The following DPP6 variants were observed in gnomAD, a reference collection of about 807,000 sequenced individuals.
The protein encoded by DPP6 is A-type potassium channel modulatory protein DPP6.
DPP6 carries 69 observed loss-of-function variants against 122.6 expected under a neutral mutation model. The observed-to-expected ratio is 0.56, with a 90% CI of 0.46 to 0.69. DPP6 has a LOEUF of 0.69. Among genes scored for constraint, DPP6 ranks in the 30% least tolerant of loss-of-function variants. The pLI, the probability that DPP6 is intolerant of heterozygous loss-of-function variation, is 0.00. For synonymous variants in DPP6, 418 were observed against 433.1 expected, an observed-to-expected ratio of 0.97 and a Z score of 0.43; for missense variants, 928 against 1,116.9, an observed-to-expected ratio of 0.83 and a Z score of 2.41.
intron 5 of DPP6, among the ~76,000 whole-genome samples, chr7:154,597,238 T>TG (rs1458734713): frequency 6.6e-6 from 1 of 150,560 alleles, no homozygotes; most frequent in Admixed American, 6.6e-5. Context: ...AGAGAGACAG[T>TG]GGGGGCCAGT....
chr7:154,032,952 TGTGGCTGCCTTTGAAG>T (rs1360961148), intron 1 of DPP6, among the ~76,000 whole-genome samples: 30 of 148,164 alleles, frequency 2.0e-4, no homozygotes, highest in Middle Eastern at 3.4e-3. Context: ...TTTATATACC[TGTGGCTGCCTTTGAAG>T]GTGGCTTTAT....
At chr7:154,463,539 T>C (rs1196774478) in intron 2 of DPP6, among the ~76,000 whole-genome samples, 3 of 152,080 alleles carry the variant, frequency 2.0e-5, no homozygotes, top group Admixed American at 2.0e-4. Context: ...AAGAAGTCTC[T>C]CCCTGTAGCC....
intron 1 of DPP6, among the ~76,000 whole-genome samples, chr7:154,068,162 G>A (rs1802875491): frequency 1.3e-5 from 2 of 152,114 alleles, no homozygotes; most frequent in South Asian, 4.1e-4. Flanking sequence ...CATGTCCTTA[G>A]GGGTGTCAAC....
At chr7:154,536,276 C>T (rs1828246409) in intron 3 of DPP6, among the ~76,000 whole-genome samples, 1 of 152,054 alleles carries the variant, frequency 6.6e-6, no homozygotes, top group African/African-American at 2.4e-5. Context: ...GCACTTGTTA[C>T]CTGGGTCTAT....
chr7:154,265,885 G>T (rs1803388454), intron 1 of DPP6, among the ~76,000 whole-genome samples: 1 of 152,088 alleles, frequency 6.6e-6, no homozygotes, highest in African/African-American at 2.4e-5. Flanking sequence ...ACTAGCAAAA[G>T]ATCAGACAAA....
At chr7:153,839,898 T>C in the DPP6 span, among the ~76,000 whole-genome samples, 2 of 152,206 alleles carry the variant, frequency 1.3e-5, no homozygotes, top group Non-Finnish European at 2.9e-5. Flanking sequence ...GAGGTCCACA[T>C]TTGGAGAACT....
At chr7:154,220,731 G>A (rs533070712) in intron 1 of DPP6, among the ~76,000 whole-genome samples, 1 of 152,160 alleles carries the variant, frequency 6.6e-6, no homozygotes, top group African/African-American at 2.4e-5. Context: ...AAAGTACCCA[G>A]TTTCAGGTAT....
At chr7:154,196,206 TG>T (rs1563303744) in intron 1 of DPP6, among the ~76,000 whole-genome samples, 1 of 152,114 alleles carries the variant, frequency 6.6e-6, no homozygotes, top group Non-Finnish European at 1.5e-5. Flanking sequence ...AACTTACAAA[TG>T]GGCCGGGCAC....
chr7:153,913,978 C>T (rs1211956174), intron 1 of DPP6, among the ~76,000 whole-genome samples: 1 of 152,166 alleles, frequency 6.6e-6, no homozygotes, highest in East Asian at 1.9e-4. Context: ...AGAATACTTG[C>T]ACTTACTATT....
chr7:154,830,029 T>C (rs999439027), intron 16 of DPP6, among the ~76,000 whole-genome samples: 3 of 152,222 alleles, frequency 2.0e-5, no homozygotes, highest in Non-Finnish European at 4.4e-5. Context: ...TCCCAGACTT[T>C]CAGGCCGTCA....
At position 154,077,869 on chromosome 7, in the gene DPP6, C is replaced by T. The variant is rs572133914; in HGVS notation, c.243+24806C>T. Reference sequence around the variant, plus strand: ...TATTTTTAGTAGAGATGGGGTTTCACCTTGTTGGCCAGGATGGTCTCGATC... The same window carrying T: ...TATTTTTAGTAGAGATGGGGTTTCATCTTGTTGGCCAGGATGGTCTCGATC... On this transcript the variant is annotated intron_variant, in intron 1 of 25. Transcript: ENST00000377770. 1.4e-4 allele frequency among the ~76,000 whole-genome samples: 21 copies of T among 152,100 alleles called. No homozygotes were observed. In the South Asian group the frequency reaches 4.4e-3, roughly 32 times the overall value.
intron 1 of DPP6, among the ~76,000 whole-genome samples, chr7:154,409,823 C>T (rs1382500701): frequency 1.3e-5 from 2 of 152,162 alleles, no homozygotes; most frequent in African/African-American, 4.8e-5. Context: ...TTTCAACATA[C>T]CATGGTTCTG....
intron 16 of DPP6, among the ~76,000 whole-genome samples, chr7:154,845,432 T>TA (rs1357649069): frequency 2.0e-5 from 3 of 152,026 alleles, no homozygotes; most frequent in African/African-American, 4.8e-5. Flanking sequence ...CTAAATAACA[T>TA]AAAAAACAGC....
At chr7:154,045,416 G>T (rs2129059268) in intron 1 of DPP6, among the ~76,000 whole-genome samples, 1 of 152,314 alleles carries the variant, frequency 6.6e-6, no homozygotes, top group South Asian at 2.1e-4. Context: ...TCTCAGACTT[G>T]TGCATGCATC....
chr7:153,896,771 C>A (rs556801082), intron 1 of DPP6, among the ~76,000 whole-genome samples: 2 of 152,182 alleles, frequency 1.3e-5, no homozygotes, highest in African/African-American at 4.8e-5. Flanking sequence ...CAAGATTGTG[C>A]CAATGCACTT....
chr7:153,844,873 G>A, the DPP6 span, among the ~76,000 whole-genome samples: 3 of 152,134 alleles, frequency 2.0e-5, no homozygotes, highest in Non-Finnish European at 4.4e-5. Flanking sequence ...TGTGGTAGAA[G>A]TAAACAAAAA....
At chr7:153,848,120 G>A in the DPP6 span, among the ~76,000 whole-genome samples, 12 of 152,284 alleles carry the variant, frequency 7.9e-5, no homozygotes, top group African/African-American at 2.6e-4. Flanking sequence ...CATCAAGGAT[G>A]CCATAAAGAG....
the DPP6 span, among the ~76,000 whole-genome samples, chr7:153,782,047 A>C: frequency 6.8e-6 from 1 of 147,524 alleles, no homozygotes; most frequent in Non-Finnish European, 1.5e-5. Context: ...TCTACAAGGA[A>C]CAATCAGGAT....
At chr7:154,228,662 A>AT (rs1291857599) in intron 1 of DPP6, among the ~76,000 whole-genome samples, 3 of 152,066 alleles carry the variant, frequency 2.0e-5, no homozygotes, top group African/African-American at 7.3e-5. Flanking sequence ...ATTAAAAATG[A>AT]TTTTTTAATA....
Sources: allele counts gnomAD v4.1 joint callset (sites outside exome capture counted in the v4.1 genomes callset), GRCh38; gene constraint gnomAD v4.1.1; transcripts MANE v1.5; gene names NCBI Gene and HGNC (gene_info 2026-07-23, HGNC 2026-07-21).